The following PRKN variants were observed in gnomAD, a reference collection of about 807,000 sequenced individuals.
PRKN encodes parkin RBR E3 ubiquitin protein ligase, also known as E3 ubiquitin-protein ligase parkin.
In PRKN, 56 loss-of-function variants were observed where a neutral mutation model predicts 59.5. That is an observed-to-expected ratio of 0.94 (90% confidence interval 0.76 to 1.18). The LOEUF is 1.18. Ranked by LOEUF, PRKN falls within the 50% of genes most tolerant of loss-of-function variation. PRKN has a pLI of 0.00. For missense variants in PRKN, 657 were observed against 596.4 expected (o/e 1.10, Z -1.06); for synonymous variants, 250 against 222.1 (o/e 1.13, Z -1.12).
At chr6:162,149,148 C>A (rs1297728597) in intron 4 of PRKN, among the ~76,000 whole-genome samples, 3 of 152,062 alleles carry the variant, frequency 2.0e-5, no homozygotes, top group Non-Finnish European at 4.4e-5. Context: ...CCTTCAAGGT[C>A]GTATTAGAGA....
At chr6:162,035,655 T>C (rs988172310) in intron 5 of PRKN, among the ~76,000 whole-genome samples, 3 of 152,166 alleles carry the variant, frequency 2.0e-5, no homozygotes, top group Admixed American at 6.5e-5. Flanking sequence ...ATATTAAATA[T>C]GTTACAATGT....
chr6:161,677,628 C>A (rs138758977), intron 7 of PRKN, among the ~76,000 whole-genome samples: 241 of 152,304 alleles, frequency 1.6e-3, no homozygotes, highest in African/African-American at 5.6e-3. Context: ...TGGATGGGAA[C>A]TTCTATGACT....
intron 7 of PRKN, among the ~76,000 whole-genome samples, chr6:161,758,894 T>C (rs1046615356): frequency 1.3e-4 from 20 of 152,282 alleles, no homozygotes; most frequent in African/African-American, 4.6e-4. Context: ...ATCTCTCATT[T>C]CAGGCCGGGC....
chr6:161,888,977 G>A (rs562904297), intron 6 of PRKN, among the ~76,000 whole-genome samples: 2 of 151,890 alleles, frequency 1.3e-5, no homozygotes, highest in Admixed American at 1.3e-4. Context: ...GCTGACTTTG[G>A]GCAGACAAAA....
chr6:162,079,601 T>G (rs1259456293), intron 4 of PRKN, among the ~76,000 whole-genome samples: 1 of 152,054 alleles, frequency 6.6e-6, no homozygotes, highest in Non-Finnish European at 1.5e-5. Flanking sequence ...CCCCCTTATT[T>G]CAGGACAGTT....
chr6:162,619,498 T>C (rs990498364), intron 1 of PRKN, among the ~76,000 whole-genome samples: 4 of 152,090 alleles, frequency 2.6e-5, no homozygotes, highest in Non-Finnish European at 5.9e-5. Flanking sequence ...ATGGAAAATA[T>C]GTAGACAGCC....
At chr6:162,116,843 T>C (rs1374680639) in intron 4 of PRKN, among the ~76,000 whole-genome samples, 1 of 152,074 alleles carries the variant, frequency 6.6e-6, no homozygotes, top group African/African-American at 2.4e-5. Flanking sequence ...TATGGGCAAA[T>C]GTTGGAAAGG....
chr6:161,703,776 GT>G (rs1486794924), intron 7 of PRKN, among the ~76,000 whole-genome samples: 4 of 142,392 alleles, frequency 2.8e-5, no homozygotes, highest in Admixed American at 2.2e-4. Context: ...TATGTGTCTA[GT>G]CAGTTTCTAC....
At chr6:161,917,636 T>A (rs1425125537) in intron 6 of PRKN, among the ~76,000 whole-genome samples, 4 of 152,222 alleles carry the variant, frequency 2.6e-5, no homozygotes, top group African/African-American at 9.6e-5. Context: ...AAGCTTCTTA[T>A]GAAATCCTAA....
chr6:162,521,597 T>C (rs1778080100), intron 1 of PRKN, among the ~76,000 whole-genome samples: 1 of 152,168 alleles, frequency 6.6e-6, no homozygotes, highest in Non-Finnish European at 1.5e-5. Flanking sequence ...AAAAACATAT[T>C]ACTATTCTAT....
chr6:162,533,642 T>G (rs7767254), intron 1 of PRKN, among the ~76,000 whole-genome samples: 14,430 of 152,182 alleles, frequency 0.095, 781 homozygotes, highest in Middle Eastern at 0.18. Flanking sequence ...CTCAGTGATC[T>G]TGCCCAAAAT....
chr6:162,435,781 T>C (rs1789738029), intron 2 of PRKN, among the ~76,000 whole-genome samples: 1 of 152,188 alleles, frequency 6.6e-6, no homozygotes, highest in African/African-American at 2.4e-5. Context: ...GCATCTCATT[T>C]ACATGACCAA....
intron 2 of PRKN, among the ~76,000 whole-genome samples, chr6:162,400,575 C>A (rs1272958140): frequency 2.0e-5 from 3 of 150,156 alleles, no homozygotes; most frequent in African/African-American, 2.5e-5. Context: ...TTGGAAAAAA[C>A]CGAACTATCA....
intron 2 of PRKN, among the ~76,000 whole-genome samples, chr6:162,393,535 C>T (rs1188882922): frequency 6.6e-6 from 1 of 152,070 alleles, no homozygotes; most frequent in Non-Finnish European, 1.5e-5. Flanking sequence ...AACCCATAAA[C>T]AAGTCAATAG....
At chr6:162,173,086 T>C (rs1275439232) in intron 4 of PRKN, among the ~76,000 whole-genome samples, 1 of 152,200 alleles carries the variant, frequency 6.6e-6, no homozygotes, top group Non-Finnish European at 1.5e-5. Context: ...CATTTCTCAA[T>C]GCCTGGCACC....
rs1785471496 is a variant in PRKN, at chr6:161,372,259, T to A, written c.1168-12054A>T. On this transcript the variant is annotated intron_variant, in intron 10 of 11. Coordinates refer to ENST00000366898, the MANE Select transcript of PRKN (RefSeq NM_004562.3). The surrounding 1 kb of genome is among the most constrained non-coding windows in gnomAD (Gnocchi z 4.2). ...TTGAGCTAGAAAATATGCTGATTTGTATTTTTGATAATGACATTCTCTAGT... is the reference window on the plus strand; with the variant it reads ...TTGAGCTAGAAAATATGCTGATTTGAATTTTTGATAATGACATTCTCTAGT... Among the ~76,000 whole-genome samples the A allele has an allele frequency of 6.6e-6, 1 of 152,224 alleles. No individual in the cohort carries two copies. Among genetic ancestry groups the A allele is most frequent in the Admixed American group, 6.5e-5 (1 of 15,278 alleles).
intron 2 of PRKN, among the ~76,000 whole-genome samples, chr6:162,383,163 G>C (rs1786590242): frequency 6.6e-6 from 1 of 152,070 alleles, no homozygotes; most frequent in Admixed American, 6.6e-5. Context: ...CTCTTCCCAT[G>C]AATCACAAAT....
intron 1 of PRKN, among the ~76,000 whole-genome samples, chr6:162,465,440 A>G (rs1207804287): frequency 1.3e-5 from 2 of 152,182 alleles, no homozygotes; most frequent in Non-Finnish European, 2.9e-5. Flanking sequence ...TCAAGCTGCA[A>G]TATACTGTGG....
At chr6:162,469,574 T>C (rs1446451655) in intron 1 of PRKN, among the ~76,000 whole-genome samples, 1 of 151,890 alleles carries the variant, frequency 6.6e-6, no homozygotes, top group Non-Finnish European at 1.5e-5. Flanking sequence ...TTAATGGCAT[T>C]TGCAGCAACC....
Sources: allele counts gnomAD v4.1 joint callset (sites outside exome capture counted in the v4.1 genomes callset), GRCh38; gene constraint gnomAD v4.1.1; non-coding constraint Gnocchi (gnomAD v3.1); transcripts MANE v1.5; gene names NCBI Gene and HGNC (gene_info 2026-07-23, HGNC 2026-07-21).